PCDHA6: variants seen among roughly 807,000 people sequenced by gnomAD.
PCDHA6 encodes protocadherin alpha-6.
In PCDHA6, 55 loss-of-function variants were observed where a neutral mutation model predicts 60.3. The observed-to-expected ratio is 0.91, with a 90% CI of 0.73 to 1.14. The LOEUF is 1.14. Among genes scored for constraint, PCDHA6 ranks in the 50% most tolerant of loss-of-function variants. The pLI is 0.00. For missense variants in PCDHA6, 1,327 were observed against 1,256.5 expected (o/e 1.06, Z -0.85); for synonymous variants, 652 against 557.9 (o/e 1.17, Z -2.38).
At chr5:140,999,620 G>A (rs184259991) in intron 3 of PCDHA6, among the ~76,000 whole-genome samples, 6 of 152,262 alleles carry the variant, frequency 3.9e-5, no homozygotes, top group African/African-American at 1.2e-4. Flanking sequence ...TATCAACCAG[G>A]AAACAAGGTA....
At chr5:140,877,489 G>C (rs782165291) in intron 1 of PCDHA6, 3 of 1,613,844 alleles carry the variant, frequency 1.9e-6, no homozygotes, top group Non-Finnish European at 1.7e-6. Context: ...GGTGGAGAAC[G>C]GCCAGGCCCC....
intron 1 of PCDHA6, among the ~76,000 whole-genome samples, chr5:140,837,619 T>C (rs1775159860): frequency 6.7e-6 from 1 of 148,926 alleles, no homozygotes; most frequent in Admixed American, 6.6e-5. Flanking sequence ...ATTTGCCCCT[T>C]CCTTCCTTCC....
chr5:140,905,882 A>G (rs1213836068), intron 1 of PCDHA6, among the ~76,000 whole-genome samples: 1 of 152,192 alleles, frequency 6.6e-6, no homozygotes, highest in Admixed American at 6.5e-5. Context: ...GCCCAACAAT[A>G]GGCCATCTGC....
At chr5:140,973,858 C>G (rs1277402007) in intron 1 of PCDHA6, among the ~76,000 whole-genome samples, 1 of 152,156 alleles carries the variant, frequency 6.6e-6, no homozygotes, top group Non-Finnish European at 1.5e-5. Flanking sequence ...AATTTTTGCT[C>G]TCAATGAGAG....
intron 1 of PCDHA6, chr5:140,875,208 C>A: frequency 1.5e-6 from 1 of 668,546 alleles, no homozygotes; most frequent in Non-Finnish European, 2.2e-6. Flanking sequence ...GTGGCTAAAC[C>A]GAAAAGAACC....
At chr5:140,831,140 A>G (rs1327824890) in intron 1 of PCDHA6, 1 of 152,182 alleles carries the variant, frequency 6.6e-6, no homozygotes, top group African/African-American at 2.4e-5. Flanking sequence ...TTATTGATTT[A>G]TTTACTACCG....
At chr5:140,851,106 C>G in intron 1 of PCDHA6, 1 of 1,294,794 alleles carries the variant, frequency 7.7e-7, no homozygotes, top group South Asian at 2.7e-5. Context: ...TTTTTGGGTG[C>G]TGAATCAATT....
chr5:140,968,753 C>T (rs782591270), intron 1 of PCDHA6: 8 of 1,614,018 alleles, frequency 5.0e-6, no homozygotes, highest in Non-Finnish European at 6.8e-6. Flanking sequence ...CGTGGTGGTC[C>T]GAGATAATGG....
At chr5:140,891,818 C>T (rs1331998195) in intron 1 of PCDHA6, among the ~76,000 whole-genome samples, 1 of 152,118 alleles carries the variant, frequency 6.6e-6, no homozygotes, top group Non-Finnish European at 1.5e-5. Context: ...AATAAATTAA[C>T]GGCACTGTAA....
intron 1 of PCDHA6, chr5:140,968,789 G>T (rs782339889): frequency 1.9e-6 from 3 of 1,614,180 alleles, no homozygotes; most frequent in South Asian, 1.1e-5. Flanking sequence ...AGCCTCTGTG[G>T]CCATTACAGT....
chr5:140,850,372 T>C, intron 1 of PCDHA6: 1 of 1,597,806 alleles, frequency 6.3e-7, no homozygotes, highest in African/African-American at 1.3e-5. Context: ...CGCGTGGGGC[T>C]GTACACGGGC....
At position 140,960,310 on chromosome 5, in the gene PCDHA6, C is replaced by A. The variant is rs143765051; in HGVS notation, c.2395-18639C>A. Among the ~76,000 whole-genome samples, 659 of 152,264 alleles carry A rather than the reference C, an allele frequency of 4.3e-3. 9 individuals are homozygous for A. Among genetic ancestry groups the A allele is most frequent in the Admixed American group, 4.1e-3 (63 of 15,288 alleles). ...CCAGTTTCTTCATCAATACCAACCTCATTAGGGTCCTGTGAGAAGTACATG... is the reference window on the plus strand; with the variant it reads ...CCAGTTTCTTCATCAATACCAACCTAATTAGGGTCCTGTGAGAAGTACATG... On this transcript the variant is annotated intron_variant, in intron 1 of 3. Transcript: ENST00000529310.
chr5:140,968,823 A>G (rs569036779), intron 1 of PCDHA6: 3 of 1,614,192 alleles, frequency 1.9e-6, no homozygotes, highest in Non-Finnish European at 2.5e-6. Context: ...AGGGTTTCCA[A>G]AATCCTCCCT....
intron 1 of PCDHA6, chr5:140,930,201 A>G (rs1185112868): frequency 6.6e-6 from 1 of 152,178 alleles, no homozygotes; most frequent in Non-Finnish European, 1.5e-5. Flanking sequence ...TTATGTCAGA[A>G]ATATTTATGT....
At position 140,841,885 on chromosome 5, in the gene PCDHA6, G is replaced by A. The variant is rs2150324724; in HGVS notation, c.2394+11400G>A. The A allele has an allele frequency of 1.5e-5, 24 of 1,613,684 alleles. 1 individual carries two copies. In the African/African-American group the frequency reaches 2.7e-4, roughly 18 times the overall value. On this transcript the variant is annotated intron_variant, in intron 1 of 3. Coordinates refer to ENST00000529310, the MANE Select transcript of PCDHA6 (RefSeq NM_018909.4). ...TAGATGTGAATTCAAAGAACGATGA[G>A]AATAAACTGGTTGAGCTCGTATTAA...
At chr5:140,882,327 T>C in intron 1 of PCDHA6, 1 of 1,614,172 alleles carries the variant, frequency 6.2e-7, no homozygotes, top group Non-Finnish European at 8.5e-7. Flanking sequence ...TGGCTTCTGA[T>C]CCTCGCAGCC....
At chr5:140,907,092 G>C (rs1381969899) in intron 1 of PCDHA6, among the ~76,000 whole-genome samples, 4 of 152,262 alleles carry the variant, frequency 2.6e-5, no homozygotes, top group African/African-American at 9.6e-5. Context: ...GGTAAGTGGT[G>C]CCACTTCCAC....
At chr5:140,834,316 G>A (rs1772899849) in intron 1 of PCDHA6, 1 of 1,378,132 alleles carries the variant, frequency 7.3e-7, no homozygotes, top group Non-Finnish European at 1.0e-6. Context: ...TGAAATGAAG[G>A]GATAAAAACA....
intron 1 of PCDHA6, chr5:140,926,550 C>A (rs1235832737): frequency 1.7e-5 from 4 of 233,488 alleles, no homozygotes; most frequent in Admixed American, 5.6e-5. Context: ...TGGTCGAGAC[C>A]CCAGCCCGCT....
Sources: allele counts gnomAD v4.1 joint callset (sites outside exome capture counted in the v4.1 genomes callset), GRCh38; gene constraint gnomAD v4.1.1; transcripts MANE v1.5; gene names NCBI Gene and HGNC (gene_info 2026-07-23, HGNC 2026-07-21).